The following PTCSC3 variants were observed in gnomAD, a reference collection of about 807,000 sequenced individuals.
PTCSC3 encodes papillary thyroid carcinoma susceptibility candidate 3.
At chr14:36,163,583 A>C (rs188987814) in intron 1 of PTCSC3, among the ~76,000 whole-genome samples, 96 of 152,346 alleles carry the variant, frequency 6.3e-4, no homozygotes, top group African/African-American at 2.3e-3. Flanking sequence ...CATGGGCTGA[A>C]AACATGTTTA....
At chr14:36,139,119 T>TCAAAAA (rs1881358194) in intron 3 of PTCSC3, among the ~76,000 whole-genome samples, 1 of 106,600 alleles carries the variant, frequency 9.4e-6, no homozygotes. Context: ...ATCTCAAAAA[T>TCAAAAA]AAAAAAAAAA....
At chr14:36,141,772 A>G (rs560161169) in intron 3 of PTCSC3, among the ~76,000 whole-genome samples, 1 of 152,110 alleles carries the variant, frequency 6.6e-6, no homozygotes, top group African/African-American at 2.4e-5. Flanking sequence ...TCAGATTTAC[A>G]CCTAGTTATT....
chr14:36,159,864 TC>T lies in PTCSC3; in HGVS notation n.231+2759del, dbSNP rs372346737. ...CTATTATTGTGTGGGAGTCTAAGTC[TC>T]TTTGTAGGTCTCTAAGGACTTGCTT... On this transcript the variant is annotated intron_variant and non_coding_transcript_variant, in intron 2 of 3. Transcript: ENST00000556013. 3.2e-3 allele frequency among the ~76,000 whole-genome samples: 491 copies of T among 152,308 alleles called. 3 individuals are homozygous for T. Among genetic ancestry groups the T allele is most frequent in the African/African-American group, 0.01 (431 of 41,566 alleles).
chr14:36,164,649 C>T lies in PTCSC3; in HGVS notation n.172-1966G>A, dbSNP rs115495697. Among the ~76,000 whole-genome samples the T allele has an allele frequency of 9.1e-3, 1,383 of 152,152 alleles. 24 individuals are homozygous for T. The highest frequency in any genetic ancestry group is 0.032 in the African/African-American group (1,342 of 41,514). The stretch of plus-strand genomic sequence containing the variant: ...CATTTACAGATTCTCAGTTTTCATA[C>T]ATAGACAGATAATTTGAAAACACTG... On this transcript the variant is annotated intron_variant and non_coding_transcript_variant, in intron 1 of 3. Transcript: ENST00000556013.
intron 3 of PTCSC3, among the ~76,000 whole-genome samples, chr14:36,141,715 T>A (rs773654875): frequency 3.9e-5 from 6 of 152,076 alleles, no homozygotes; most frequent in Non-Finnish European, 8.8e-5. Flanking sequence ...CTCATATATA[T>A]GTATATATTT....
At chr14:36,151,895 AT>A (rs1881731831) in intron 3 of PTCSC3, among the ~76,000 whole-genome samples, 2 of 152,194 alleles carry the variant, frequency 1.3e-5, no homozygotes, top group South Asian at 4.1e-4. Flanking sequence ...GCAAGAGGGA[AT>A]TTTTCTCAGA....
chr14:36,152,279 AC>A (rs1365484060), intron 3 of PTCSC3, among the ~76,000 whole-genome samples: 6 of 152,118 alleles, frequency 3.9e-5, no homozygotes, highest in Non-Finnish European at 7.4e-5. Context: ...TAAAAAAAAA[AC>A]TTTTTTTCAT....
intron 3 of PTCSC3, among the ~76,000 whole-genome samples, chr14:36,149,977 A>G (rs1881686219): frequency 6.6e-6 from 1 of 152,152 alleles, no homozygotes; most frequent in African/African-American, 2.4e-5. Context: ...CTCTCCAGTG[A>G]GCATTTCCTT....
intron 1 of PTCSC3, among the ~76,000 whole-genome samples, chr14:36,175,859 T>C (rs1012572709): frequency 6.6e-6 from 1 of 152,248 alleles, no homozygotes; most frequent in Non-Finnish European, 1.5e-5. Context: ...ATGATTGTTG[T>C]GGTTTTCTTC....
chr14:36,147,221 T>C (rs565931700), intron 3 of PTCSC3, among the ~76,000 whole-genome samples: 19 of 152,234 alleles, frequency 1.2e-4, no homozygotes, highest in Non-Finnish European at 2.4e-4. Context: ...CCTTGCTAGA[T>C]TGGGGAAGTT....
intron 3 of PTCSC3, among the ~76,000 whole-genome samples, chr14:36,139,486 A>T (rs942743136): frequency 6.6e-6 from 1 of 152,160 alleles, no homozygotes; most frequent in Non-Finnish European, 1.5e-5. Context: ...CTGTTTTACC[A>T]CCCAGATCTG....
At chr14:36,145,938 G>A (rs1435248452) in intron 3 of PTCSC3, among the ~76,000 whole-genome samples, 1 of 151,844 alleles carries the variant, frequency 6.6e-6, no homozygotes, top group Admixed American at 6.6e-5. Flanking sequence ...TCATTCAGGA[G>A]CAGGTTGTTC....
intron 3 of PTCSC3, among the ~76,000 whole-genome samples, chr14:36,147,290 T>G (rs1228716547): frequency 9.2e-5 from 14 of 152,220 alleles, no homozygotes; most frequent in Admixed American, 2.6e-4. Flanking sequence ...CCCATCACTT[T>G]CAGGTACACC....
At chr14:36,151,286 C>A (rs1881716558) in intron 3 of PTCSC3, among the ~76,000 whole-genome samples, 1 of 151,854 alleles carries the variant, frequency 6.6e-6, no homozygotes, top group South Asian at 2.1e-4. Flanking sequence ...GGTATTACCC[C>A]CCCGCCCCTG....
intron 3 of PTCSC3, among the ~76,000 whole-genome samples, chr14:36,149,192 T>A (rs1483703246): frequency 7.2e-5 from 11 of 152,196 alleles, no homozygotes; most frequent in Admixed American, 7.2e-4. Context: ...TGATAAATTG[T>A]ATTTTTATTT....
At chr14:36,151,275 A>G (rs1424511383) in intron 3 of PTCSC3, among the ~76,000 whole-genome samples, 1 of 151,872 alleles carries the variant, frequency 6.6e-6, no homozygotes, top group Non-Finnish European at 1.5e-5. Context: ...TCTGTAGGTA[A>G]GGTATTACCC....
intron 3 of PTCSC3, among the ~76,000 whole-genome samples, chr14:36,144,034 C>T (rs1024868411): frequency 6.6e-6 from 1 of 152,102 alleles, no homozygotes; most frequent in African/African-American, 2.4e-5. Flanking sequence ...GTTTTGGTAC[C>T]AGTACCATGC....
intron 2 of PTCSC3, among the ~76,000 whole-genome samples, chr14:36,157,739 G>A (rs1489645662): frequency 1.2e-4 from 18 of 152,090 alleles, no homozygotes; most frequent in Admixed American, 9.2e-4. Context: ...GGCTATAATG[G>A]GCTCTTTTTT....
chr14:36,163,144 A>T (rs1327788199), intron 1 of PTCSC3, among the ~76,000 whole-genome samples: 1 of 152,272 alleles, frequency 6.6e-6, no homozygotes. Context: ...AGGCTGAGGC[A>T]GGAGGATTAC....
Sources: allele counts gnomAD v4.1 joint callset (sites outside exome capture counted in the v4.1 genomes callset), GRCh38; gene constraint gnomAD v4.1.1; transcripts MANE v1.5; gene names NCBI Gene and HGNC (gene_info 2026-07-23, HGNC 2026-07-21).